CCDC85C: variants seen among roughly 807,000 people sequenced by gnomAD.
The protein encoded by CCDC85C is coiled-coil domain containing 85C, also known as coiled-coil domain-containing protein 85C.
Under a neutral mutation model 38.3 loss-of-function variants are expected in CCDC85C, and 18 were observed. The observed-to-expected ratio is 0.47, with a 90% confidence interval of 0.33 to 0.70. The LOEUF is 0.70. Ranked by LOEUF, CCDC85C falls within the 30% of genes least tolerant of loss-of-function variation. The probability of loss-of-function intolerance (pLI) is 0.03; values close to 1 mark genes in which losing one functional copy is unlikely to be tolerated. For synonymous variants in CCDC85C, 264 were observed against 293.8 expected (o/e 0.90, Z 1.04); for missense variants, 566 against 621.2 (o/e 0.91, Z 0.94).
At position 99,516,044 on chromosome 14, in the gene CCDC85C, C is replaced by T; in HGVS notation, c.1170+144G>A. On this transcript the variant is annotated intron_variant, in intron 5 of 5. Coordinates refer to ENST00000380243, the MANE Select transcript of CCDC85C (RefSeq NM_001144995.2). The surrounding 1 kb of genome is among the most constrained non-coding windows in gnomAD (Gnocchi z 5.5). Reference sequence around the variant, plus strand: ...CCAGGGCTCCTAGCACCTCTGAGGCCTCCCCCCAGCTATCCAAGGTCACCC... The same window carrying T: ...CCAGGGCTCCTAGCACCTCTGAGGCTTCCCCCCAGCTATCCAAGGTCACCC... The T allele has an allele frequency of 2.9e-6, 2 of 691,970 alleles. No individual in the cohort carries two copies. The highest frequency in any genetic ancestry group is 2.5e-6 in the Non-Finnish European group (1 of 395,304). The allele number at this position is 691,970 out of a possible 1,614,324, so 42.9% of individuals were successfully genotyped here.
chr14:99,603,988 C>T lies in CCDC85C; in HGVS notation c.-29G>A. 1 of 1,227,704 alleles carries T rather than the reference C, an allele frequency of 8.1e-7. No homozygotes were observed. The highest frequency in any genetic ancestry group is 1.0e-6 in the Non-Finnish European group (1 of 986,448). 76.1% of individuals were successfully genotyped at this position (1,227,704 alleles called of 1,614,324 possible). A position where few individuals can be genotyped will look rare whatever the true frequency, so the allele number is the denominator to read the frequency against. ...GGGGCCGTCACCGCGGCATCGCCCT[C>T]GCCCTCGCCCGGCCGGCGCTTCCCC... On this transcript the variant is annotated 5_prime_UTR_variant, in exon 1 of 6. Coordinates refer to ENST00000380243, the MANE Select transcript of CCDC85C (RefSeq NM_001144995.2). This position sits in a 1 kb window ranked among gnomAD's most constrained non-coding sequence, Gnocchi z 7.5.
At chr14:99,519,505 C>G (rs961111092) in intron 3 of CCDC85C, among the ~76,000 whole-genome samples, 1 of 152,086 alleles carries the variant, frequency 6.6e-6, no homozygotes, top group Non-Finnish European at 1.5e-5. Context: ...GGCTGGGCGC[C>G]AAACCCAAGT....
intron 1 of CCDC85C, among the ~76,000 whole-genome samples, chr14:99,542,625 T>A (rs1897735437): frequency 6.6e-6 from 1 of 152,024 alleles, no homozygotes; most frequent in African/African-American, 2.4e-5. Flanking sequence ...TCCCAGGCAG[T>A]CCTCCCCACC....
intron 1 of CCDC85C, among the ~76,000 whole-genome samples, chr14:99,551,050 G>A (rs1897897353): frequency 6.6e-6 from 1 of 152,248 alleles, no homozygotes; most frequent in Non-Finnish European, 1.5e-5. Flanking sequence ...ACAGCGCATA[G>A]CCTCTTCTCT....
chr14:99,529,017 A>G lies in CCDC85C; in HGVS notation c.868-6777T>C, dbSNP rs897722715. 2.0e-5 allele frequency among the ~76,000 whole-genome samples: 3 copies of G among 151,644 alleles called. 1 individual carries two copies. The highest frequency in any genetic ancestry group is 4.1e-4 in the South Asian group (2 of 4,828). On this transcript the variant is annotated intron_variant, in intron 2 of 5. Transcript: ENST00000380243. Reference sequence around the variant, plus strand: ...AAACAAAAGTTGATAGGGAAAAAAAAGGAAAATAAAAAAAGAACAAGGGGG... The same window carrying G: ...AAACAAAAGTTGATAGGGAAAAAAAGGGAAAATAAAAAAAGAACAAGGGGG...
intron 1 of CCDC85C, among the ~76,000 whole-genome samples, chr14:99,574,357 C>T: frequency 6.6e-6 from 1 of 152,104 alleles, no homozygotes; most frequent in East Asian, 1.9e-4. Flanking sequence ...GATTGGAAGA[C>T]ACTGAGCCAC....
rs1315663776 is a variant in CCDC85C, at chr14:99,543,362, G to A, written c.794-7274C>T. On this transcript the variant is annotated intron_variant, in intron 1 of 5. Transcript: ENST00000380243. ...GCCACCCACAGGACCAGCGGGGGTC[G>A]GCGGGCAGGGGCAGTATATTATTGG... 5.3e-5 allele frequency among the ~76,000 whole-genome samples: 8 copies of A among 152,204 alleles called. No individual in the cohort carries two copies. The East Asian group carries it at 9.6e-4, about 18-fold the overall frequency.
At position 99,503,014 on chromosome 14, in the gene CCDC85C, A is replaced by T; in HGVS notation, c.*12232T>A. The T allele has an allele frequency of 6.2e-7, 1 of 1,613,060 alleles. No individual in the cohort carries two copies. ...GTGGGCTAAAGCAGGCCCTGGGTAG[A>T]GCAGGCTTTCCAGGTGGCGGCAACA... On this transcript the variant is annotated 3_prime_UTR_variant, in exon 6 of 6. Coordinates refer to ENST00000380243, the MANE Select transcript of CCDC85C (RefSeq NM_001144995.2).
Position 99,603,375 on chromosome 14 carries a change from G to T in CCDC85C, c.585C>A (p.Pro195=), listed in dbSNP as rs1397182211. The T allele has an allele frequency of 8.0e-7, 1 of 1,252,178 alleles. No individual in the cohort carries two copies. Among genetic ancestry groups the T allele is most frequent in the Non-Finnish European group, 1.0e-6 (1 of 1,000,362 alleles). 77.6% of individuals were successfully genotyped at this position (1,252,178 alleles called of 1,614,324 possible). A position where few individuals can be genotyped will look rare whatever the true frequency, so the allele number is the denominator to read the frequency against. Residue 195 remains proline (P), a synonymous_variant, in exon 1 of 6, where the codon CCC becomes CCA. Coordinates refer to ENST00000380243, the MANE Select transcript of CCDC85C (RefSeq NM_001144995.2). The surrounding 1 kb of genome is among the most constrained non-coding windows in gnomAD (Gnocchi z 7.5). The part of the protein sequence containing the change: ...SLSGPLSGGA[P]GAGARDVGDG... ...CGCCCACGTCGCGGGCCCCCGCGCC[G>T]GGCGCGCCACCCGACAGCGGCCCGC...
intron 3 of CCDC85C, among the ~76,000 whole-genome samples, chr14:99,519,110 T>G (rs1342157665): frequency 8.2e-6 from 1 of 121,320 alleles, no homozygotes; most frequent in Non-Finnish European, 1.7e-5. Flanking sequence ...TTTTTTTTTT[T>G]TTTTTTTTTT....
Position 99,501,427 on chromosome 14 carries a change from A to C in CCDC85C, c.*13819T>G. On this transcript the variant is annotated 3_prime_UTR_variant, in exon 6 of 6. Transcript: ENST00000380243. ...TGTAAATGACAGGTATACATGTTCA[A>C]ATGTTGATTAATTACAGTATTTTAA... 1 of 1,508,788 alleles carries C rather than the reference A, an allele frequency of 6.6e-7. No individual in the cohort carries two copies. The highest frequency in any genetic ancestry group is 9.2e-7 in the Non-Finnish European group (1 of 1,086,768). 93.5% of individuals were successfully genotyped at this position (1,508,788 alleles called of 1,614,324 possible).
At chr14:99,586,103 C>T (rs1566782986) in intron 1 of CCDC85C, among the ~76,000 whole-genome samples, 1 of 152,210 alleles carries the variant, frequency 6.6e-6, no homozygotes, top group Non-Finnish European at 1.5e-5. Flanking sequence ...GGAGGGGGCA[C>T]CTGGCCAAAG....
Position 99,569,096 on chromosome 14 carries a change from G to A in CCDC85C, c.794-33008C>T, listed in dbSNP as rs1312800176. Among the ~76,000 whole-genome samples, 1 of 152,138 alleles carries A rather than the reference G, an allele frequency of 6.6e-6. No homozygotes were observed. The highest frequency in any genetic ancestry group is 2.4e-5 in the African/African-American group (1 of 41,412). On this transcript the variant is annotated intron_variant, in intron 1 of 5. Transcript: ENST00000380243. The surrounding 1 kb of genome is among the most constrained non-coding windows in gnomAD (Gnocchi z 4.3). ...GAGGGGACATCAAATCCCCACTCCT[G>A]GCCTGTGTCCTCACTGTCTGCCAAG...
At chr14:99,568,483 T>C (rs1018804725) in intron 1 of CCDC85C, among the ~76,000 whole-genome samples, 2 of 152,008 alleles carry the variant, frequency 1.3e-5, no homozygotes, top group East Asian at 3.9e-4. Context: ...CCCAGCTTCC[T>C]TGGGGGGTGG....
At chr14:99,601,146 G>A (rs1485810552) in intron 1 of CCDC85C, among the ~76,000 whole-genome samples, 1 of 152,222 alleles carries the variant, frequency 6.6e-6, no homozygotes, top group Non-Finnish European at 1.5e-5. Flanking sequence ...GGCTTTAAGA[G>A]ACAAAACTAA....
chr14:99,536,202 C>T (rs1456965051), intron 1 of CCDC85C, 114 bp from the exon 2 acceptor site: 6 of 751,814 alleles, frequency 8.0e-6, no homozygotes, highest in Admixed American at 2.0e-5. Context: ...AGGAGTCCCA[C>T]CCCACAGCCA....
intron 1 of CCDC85C, among the ~76,000 whole-genome samples, chr14:99,597,100 G>A (rs1182256077): frequency 2.6e-5 from 4 of 151,998 alleles, no homozygotes; most frequent in African/African-American, 4.8e-5. Flanking sequence ...ACCTCCTCCC[G>A]ATGGAAGCCC....
At chr14:99,542,850 C>T (rs1325121202) in intron 1 of CCDC85C, among the ~76,000 whole-genome samples, 1 of 152,214 alleles carries the variant, frequency 6.6e-6, no homozygotes, top group Non-Finnish European at 1.5e-5. Flanking sequence ...TCGGGTTTCC[C>T]CCAGCGAGGC....
At position 99,520,667 on chromosome 14, in the gene CCDC85C, TG is replaced by T. The variant is rs1897291783; in HGVS notation, c.975+1465del. ...TTTATCACCCGGCCTCCTGGCCTCA[TG>T]GAGGAGCGACCCCTGCACAGCCCCC... On this transcript the variant is annotated intron_variant, in intron 3 of 5. Transcript: ENST00000380243. The surrounding 1 kb of genome is among the most constrained non-coding windows in gnomAD (Gnocchi z 4.1). Among the ~76,000 whole-genome samples, 1 of 152,110 alleles carries T rather than the reference TG, an allele frequency of 6.6e-6. No individual in the cohort carries two copies. The highest frequency in any genetic ancestry group is 2.1e-4 in the South Asian group (1 of 4,822).
Sources: gnomAD v4.1 joint callset for allele counts (sites outside exome capture counted in the v4.1 genomes callset) on GRCh38, gnomAD v4.1.1 for gene constraint, Gnocchi (gnomAD v3.1) non-coding constraint, MANE v1.5 for transcripts, NCBI Gene and HGNC (gene_info 2026-07-23, HGNC 2026-07-21) for gene names.